The following MACROD2 variants were observed in gnomAD, a reference collection of about 807,000 sequenced individuals.
The protein encoded by MACROD2 is ADP-ribose glycohydrolase MACROD2.
Under a neutral mutation model 70.4 loss-of-function variants are expected in MACROD2, and 36 were observed. The ratio of observed to expected loss-of-function variants is 0.51; its 90% CI spans 0.39 to 0.68. The LOEUF (loss-of-function observed/expected upper bound fraction) is 0.68, where lower values mean the gene tolerates loss of function less well. Among genes scored for constraint, MACROD2 ranks in the 30% least tolerant of loss-of-function variants. The pLI, the probability that MACROD2 is intolerant of heterozygous loss-of-function variation, is 0.00. For synonymous variants in MACROD2, 172 were observed against 178.8 expected, an observed-to-expected ratio of 0.96 and a Z score of 0.30; for missense variants, 496 against 538.4, an observed-to-expected ratio of 0.92 and a Z score of 0.78.
chr20:14,779,685 G>A (rs1420853766), intron 5 of MACROD2, among the ~76,000 whole-genome samples: 1 of 151,998 alleles, frequency 6.6e-6, no homozygotes, highest in African/African-American at 2.4e-5. Flanking sequence ...CTTAACAGAT[G>A]GAATGTTTAA....
chr20:14,642,832 G>T (rs1321768482), intron 4 of MACROD2, among the ~76,000 whole-genome samples: 1 of 151,684 alleles, frequency 6.6e-6, no homozygotes, highest in Admixed American at 6.6e-5. Flanking sequence ...TAGAAATATT[G>T]CAAAAATTAC....
At chr20:15,739,021 T>C (rs2051065639) in intron 8 of MACROD2, among the ~76,000 whole-genome samples, 3 of 151,854 alleles carry the variant, frequency 2.0e-5, no homozygotes, top group Admixed American at 2.0e-4. Context: ...CTAATGCAAA[T>C]CTAGGCCAAA....
Position 14,228,366 on chromosome 20 carries a change from C to G in MACROD2, c.271+142638C>G, listed in dbSNP as rs190229027. Among the ~76,000 whole-genome samples the G allele has an allele frequency of 9.0e-3, 1,294 of 143,492 alleles. 5 individuals are homozygous for G. Among genetic ancestry groups the G allele is most frequent in the South Asian group, 0.015 (68 of 4,574 alleles). 94.1% of individuals were successfully genotyped at this position (143,492 alleles called of 152,430 possible). ...TTTTTTTTTTTTTTTGAGATGGAGT[C>G]TCTCTCTGTCACCCAGGCTGGAGTG... On this transcript the variant is annotated intron_variant, in intron 3 of 17. Transcript: ENST00000684519.
At chr20:15,453,208 T>C (rs530051134) in intron 7 of MACROD2, among the ~76,000 whole-genome samples, 1 of 123,886 alleles carries the variant, frequency 8.1e-6, no homozygotes, top group African/African-American at 2.6e-5. Context: ...TGAATTGCTG[T>C]TTTCCCCTTT....
At chr20:14,641,205 G>C (rs975721385) in intron 4 of MACROD2, among the ~76,000 whole-genome samples, 4 of 152,140 alleles carry the variant, frequency 2.6e-5, no homozygotes, top group African/African-American at 9.7e-5. Flanking sequence ...TCCATAAGAA[G>C]CAACTCTTCA....
intron 3 of MACROD2, among the ~76,000 whole-genome samples, chr20:14,492,222 T>G (rs2084803134): frequency 6.6e-6 from 1 of 152,124 alleles, no homozygotes; most frequent in Admixed American, 6.5e-5. Flanking sequence ...ACATCAGAAG[T>G]GAGTTTTGTT....
chr20:15,782,025 A>T (rs944492682), intron 8 of MACROD2, among the ~76,000 whole-genome samples: 3 of 152,144 alleles, frequency 2.0e-5, no homozygotes, highest in African/African-American at 7.2e-5. Flanking sequence ...TTTAAAATAG[A>T]TCTCTTGGCA....
At chr20:15,129,390 G>A (rs867199486) in intron 5 of MACROD2, among the ~76,000 whole-genome samples, 4 of 151,912 alleles carry the variant, frequency 2.6e-5, no homozygotes, top group African/African-American at 7.2e-5. Flanking sequence ...TGGAACTAAC[G>A]GAAAGGAATT....
At chr20:15,124,347 C>T (rs1267657556) in intron 5 of MACROD2, among the ~76,000 whole-genome samples, 1 of 89,318 alleles carries the variant, frequency 1.1e-5, no homozygotes, top group African/African-American at 4.7e-5. Context: ...ATTTAATTTC[C>T]TAGTTTTTTT....
At chr20:15,729,831 C>CTTGTTTTTTTTTTTTTTTT in intron 8 of MACROD2, among the ~76,000 whole-genome samples, 1 of 64,770 alleles carries the variant, frequency 1.5e-5, no homozygotes, top group Non-Finnish European at 2.8e-5. Flanking sequence ...TTGGGTCATG[C>CTTGTTTTTTTTTTTTTTTT]TTTTTTTTTT....
At chr20:15,067,487 T>A (rs1384297925) in intron 5 of MACROD2, among the ~76,000 whole-genome samples, 2 of 152,032 alleles carry the variant, frequency 1.3e-5, no homozygotes, top group African/African-American at 4.8e-5. Context: ...GTAGCTGGGA[T>A]TACAGGTGTG....
At chr20:15,272,609 C>G (rs753708088) in intron 6 of MACROD2, among the ~76,000 whole-genome samples, 1 of 152,094 alleles carries the variant, frequency 6.6e-6, no homozygotes, top group Non-Finnish European at 1.5e-5. Flanking sequence ...CTGTTCTTTC[C>G]TTTTTATTCA....
intron 6 of MACROD2, among the ~76,000 whole-genome samples, chr20:15,387,382 C>T (rs76529871): frequency 0.08 from 5,305 of 66,620 alleles, 142 homozygotes; most frequent in Non-Finnish European, 0.13. Flanking sequence ...TCCCTCTCTT[C>T]CTACCTCTCT....
chr20:14,274,763 A>C (rs2082233886), intron 3 of MACROD2, among the ~76,000 whole-genome samples: 1 of 152,020 alleles, frequency 6.6e-6, no homozygotes, highest in South Asian at 2.1e-4. Context: ...GTCTCAGCCC[A>C]AAATCTCCTT....
chr20:15,554,238 A>G (rs1435119824), intron 8 of MACROD2, among the ~76,000 whole-genome samples: 2 of 152,216 alleles, frequency 1.3e-5, no homozygotes, highest in Non-Finnish European at 2.9e-5. Context: ...ATCTGGGGCT[A>G]TAGGAGGAAG....
chr20:15,186,005 CT>C (rs2076532333), intron 5 of MACROD2, among the ~76,000 whole-genome samples: 1 of 152,140 alleles, frequency 6.6e-6, no homozygotes, highest in Admixed American at 6.5e-5. Flanking sequence ...CAACAAAAGA[CT>C]GGGGTATGTG....
chr20:15,590,080 A>G (rs540252364), intron 8 of MACROD2, among the ~76,000 whole-genome samples: 1 of 152,348 alleles, frequency 6.6e-6, no homozygotes, highest in East Asian at 1.9e-4. Flanking sequence ...AAATACATAA[A>G]AATACTTAGT....
At chr20:15,062,209 A>G (rs1236909144) in intron 5 of MACROD2, among the ~76,000 whole-genome samples, 1 of 152,196 alleles carries the variant, frequency 6.6e-6, no homozygotes, top group Non-Finnish European at 1.5e-5. Context: ...AAACAGCCTC[A>G]GGAGAAAGAG....
chr20:14,614,648 A>G (rs1455456481), intron 4 of MACROD2, among the ~76,000 whole-genome samples: 1 of 152,108 alleles, frequency 6.6e-6, no homozygotes, highest in East Asian at 1.9e-4. Flanking sequence ...AATACTATCA[A>G]TGAAAGAAAA....
Sources: gnomAD v4.1 joint callset for allele counts (sites outside exome capture counted in the v4.1 genomes callset) on GRCh38, gnomAD v4.1.1 for gene constraint, MANE v1.5 for transcripts, NCBI Gene and HGNC (gene_info 2026-07-23, HGNC 2026-07-21) for gene names.